KCNAB1: variants seen among roughly 807,000 people sequenced by gnomAD.
KCNAB1 encodes potassium voltage-gated channel subfamily A regulatory beta subunit 1.
A neutral mutation model predicts 64.6 loss-of-function variants in KCNAB1; 35 were observed. The observed-to-expected ratio is 0.54, with a 90% CI of 0.41 to 0.72. KCNAB1 has a LOEUF of 0.72. KCNAB1 is among the 30% of genes least tolerant of loss of function. The pLI, the probability that KCNAB1 is intolerant of heterozygous loss-of-function variation, is 0.00. For synonymous variants in KCNAB1, 177 were observed against 183.8 expected, an observed-to-expected ratio of 0.96 and a Z score of 0.30; for missense variants, 401 against 512.9, an observed-to-expected ratio of 0.78 and a Z score of 2.11.
chr3:156,158,564 A>G (rs1715894545), intron 1 of KCNAB1, among the ~76,000 whole-genome samples: 1 of 152,214 alleles, frequency 6.6e-6, no homozygotes, highest in Non-Finnish European at 1.5e-5. Context: ...AACCTAACAC[A>G]AACTGGCTTA....
At chr3:156,282,013 G>A (rs1266834279) in intron 1 of KCNAB1, among the ~76,000 whole-genome samples, 1 of 151,202 alleles carries the variant, frequency 6.6e-6, no homozygotes, top group East Asian at 1.9e-4. Flanking sequence ...GCTAGCTTTT[G>A]AATGTGTTTG....
rs565011434 is a variant in KCNAB1, at chr3:156,122,756, G to A, written c.275+1870G>A. Among the ~76,000 whole-genome samples, 338 of 152,248 alleles carry A rather than the reference G, an allele frequency of 2.2e-3. 1 individual carries two copies. The highest frequency in any genetic ancestry group is 7.4e-3 in the African/African-American group (308 of 41,566). ...TTTCCCATCCTCCTTTATTATTGCA[G>A]CATGATTATTTCCAGGAAGAAACGA... On this transcript the variant is annotated intron_variant, in intron 1 of 13. Transcript: ENST00000490337.
chr3:156,184,205 A>G (rs940950259), intron 1 of KCNAB1, among the ~76,000 whole-genome samples: 3 of 152,168 alleles, frequency 2.0e-5, no homozygotes, highest in African/African-American at 7.2e-5. Context: ...TTAAATTAGA[A>G]TTGGGTGAAA....
chr3:156,193,072 C>T lies in KCNAB1; in HGVS notation c.275+72186C>T, dbSNP rs546610825. 4.7e-4 allele frequency among the ~76,000 whole-genome samples: 72 copies of T among 152,060 alleles called. 1 individual carries two copies. Among genetic ancestry groups the T allele is most frequent in the Admixed American group, 2.6e-3 (39 of 15,284 alleles). On this transcript the variant is annotated intron_variant, in intron 1 of 13. Transcript: ENST00000490337. ...TTGTTTTCTACTTGTCTTATCTATT[C>T]TGTGTTCCCTTTTACCTCTTTTTCT...
intron 1 of KCNAB1, among the ~76,000 whole-genome samples, chr3:156,279,455 G>A (rs896897531): frequency 1.3e-5 from 2 of 152,174 alleles, no homozygotes; most frequent in Non-Finnish European, 2.9e-5. Flanking sequence ...ATAGCAGCAT[G>A]GTTTATAGTC....
chr3:156,273,963 T>A (rs1719187863), intron 1 of KCNAB1, among the ~76,000 whole-genome samples: 1 of 152,130 alleles, frequency 6.6e-6, no homozygotes, highest in Non-Finnish European at 1.5e-5. Context: ...ACTCCCCAGG[T>A]AAGAAGTGAG....
At chr3:156,212,632 G>C (rs1715081691) in intron 1 of KCNAB1, among the ~76,000 whole-genome samples, 1 of 152,174 alleles carries the variant, frequency 6.6e-6, no homozygotes, top group South Asian at 2.1e-4. Context: ...CTGACTCCTA[G>C]AGTTTATTGC....
At chr3:156,228,489 C>T (rs1363312689) in intron 1 of KCNAB1, among the ~76,000 whole-genome samples, 1 of 152,154 alleles carries the variant, frequency 6.6e-6, no homozygotes, top group African/African-American at 2.4e-5. Flanking sequence ...CCTGGTCAGC[C>T]TTCACACAGC....
At chr3:156,241,110 C>G (rs1717138303) in intron 1 of KCNAB1, among the ~76,000 whole-genome samples, 1 of 152,206 alleles carries the variant, frequency 6.6e-6, no homozygotes, top group Non-Finnish European at 1.5e-5. Flanking sequence ...GGCAGCGTGG[C>G]CTTCTGAAGC....
intron 1 of KCNAB1, among the ~76,000 whole-genome samples, chr3:156,141,505 T>C (rs1714705203): frequency 6.6e-6 from 1 of 152,142 alleles, no homozygotes; most frequent in Admixed American, 6.5e-5. Context: ...ATGATACAGA[T>C]TCCAAAATGC....
chr3:156,391,733 C>T (rs1026261021), intron 1 of KCNAB1, among the ~76,000 whole-genome samples: 5 of 152,082 alleles, frequency 3.3e-5, no homozygotes, highest in Admixed American at 6.5e-5. Flanking sequence ...AGACATTGAC[C>T]AGGCAAACAT....
intron 1 of KCNAB1, among the ~76,000 whole-genome samples, chr3:156,158,945 G>A (rs1275813531): frequency 1.3e-5 from 2 of 152,168 alleles, no homozygotes; most frequent in Non-Finnish European, 2.9e-5. Flanking sequence ...GATGAGAGAA[G>A]CTGAATGACT....
intron 8 of KCNAB1, among the ~76,000 whole-genome samples, chr3:156,487,074 A>G (rs1459833737): frequency 2.6e-5 from 4 of 152,184 alleles, no homozygotes; most frequent in African/African-American, 9.6e-5. Flanking sequence ...ATCTGACTTA[A>G]ATTACATGCA....
At position 156,325,021 on chromosome 3, in the gene KCNAB1, G is replaced by A. The variant is rs146643358; in HGVS notation, c.276-96595G>A. Among the ~76,000 whole-genome samples the A allele has an allele frequency of 7.8e-4, 119 of 152,172 alleles. 1 individual carries two copies. The highest frequency in any genetic ancestry group is 1.3e-3 in the Non-Finnish European group (88 of 67,980). On this transcript the variant is annotated intron_variant, in intron 1 of 13. Coordinates refer to ENST00000490337, the MANE Select transcript of KCNAB1 (RefSeq NM_172160.3). Reference sequence around the variant, plus strand: ...GGCACTGAACTTCATTTGCCCAAGGGCACCCAATATAGTATATGGGATAAC... The same window carrying A: ...GGCACTGAACTTCATTTGCCCAAGGACACCCAATATAGTATATGGGATAAC...
chr3:156,310,108 G>A (rs1370931290), intron 1 of KCNAB1, among the ~76,000 whole-genome samples: 1 of 152,118 alleles, frequency 6.6e-6, no homozygotes, highest in Non-Finnish European at 1.5e-5. Flanking sequence ...AAGAGTGAAC[G>A]AGAGGACTCT....
intron 1 of KCNAB1, among the ~76,000 whole-genome samples, chr3:156,364,050 CA>C: frequency 6.6e-6 from 1 of 152,288 alleles, no homozygotes; most frequent in South Asian, 2.1e-4. Flanking sequence ...GGCACTTTCT[CA>C]AAAATCTTTC....
intron 1 of KCNAB1, among the ~76,000 whole-genome samples, chr3:156,312,703 C>CAAAAAAAAAAAAAAAAAA (rs397991453): frequency 1.5e-4 from 4 of 27,422 alleles, no homozygotes; most frequent in Non-Finnish European, 2.1e-4. Flanking sequence ...AGACTGTCTC[C>CAAAAAAAAAAAAAAAAAA]AAAAAAAAAA....
intron 1 of KCNAB1, among the ~76,000 whole-genome samples, chr3:156,386,981 T>C (rs2108159702): frequency 6.6e-6 from 1 of 151,564 alleles, no homozygotes; most frequent in Non-Finnish European, 1.5e-5. Flanking sequence ...TCTTGCTTGC[T>C]TGCTTTCTCT....
rs970189829 is a variant in KCNAB1 at position 156,123,147 on chromosome 3, A to G, written c.275+2261A>G. 2.0e-5 allele frequency among the ~76,000 whole-genome samples: 3 copies of G among 152,356 alleles called. No individual in the cohort carries two copies. In the South Asian group the frequency reaches 6.2e-4, roughly 32 times the overall value. On this transcript the variant is annotated intron_variant, in intron 1 of 13. Coordinates refer to ENST00000490337, the MANE Select transcript of KCNAB1 (RefSeq NM_172160.3). ...AGTGATATCTCCATTAGAAACTTGT[A>G]TGTAGAAGATAAATATGATTAACTT...
Sources: allele counts gnomAD v4.1 joint callset (sites outside exome capture counted in the v4.1 genomes callset), GRCh38; gene constraint gnomAD v4.1.1; transcripts MANE v1.5; gene names NCBI Gene and HGNC (gene_info 2026-07-23, HGNC 2026-07-21).